The following ERN1 variants were observed in gnomAD, a reference collection of about 807,000 sequenced individuals.
The protein encoded by ERN1 is endoplasmic reticulum to nucleus signaling 1, also known as serine/threonine-protein kinase/endoribonuclease IRE1.
In ERN1, 39 loss-of-function variants were observed where a neutral mutation model predicts 113.1. The ratio of observed to expected loss-of-function variants is 0.34; its 90% CI spans 0.27 to 0.45. ERN1 has a LOEUF of 0.45. ERN1 is among the 20% of genes least tolerant of loss of function. ERN1 has a pLI of 1.00. For synonymous variants in ERN1, 507 were observed against 515.9 expected (o/e 0.98, Z 0.23); for missense variants, 976 against 1,274.8 (o/e 0.77, Z 3.57).
At chr17:64,080,623 T>G (rs577955641) in intron 3 of ERN1, 152 bp downstream of exon 3, 1 of 656,434 alleles carries the variant, frequency 1.5e-6, no homozygotes, top group South Asian at 2.1e-5. Context: ...CAACACAAGC[T>G]TTCATCATAG....
In ERN1 at chr17:64,044,692, G is replaced by A. The variant is rs1161969354; in HGVS notation, c.2721+168C>T. The stretch of plus-strand genomic sequence containing the variant: ...CTACGTCCCTGAAGGGAAAATCAGC[G>A]TAAGAGAGGCAACAGCCTGCAGTTT... On this transcript the variant is annotated intron_variant, in intron 21 of 21. Transcript: ENST00000433197. The surrounding 1 kb of genome is among the most constrained non-coding windows in gnomAD (Gnocchi z 4.1). 6.6e-6 allele frequency among the ~76,000 whole-genome samples: 1 copy of A among 152,198 alleles called. No individual in the cohort carries two copies. The highest frequency in any genetic ancestry group is 1.5e-5 in the Non-Finnish European group (1 of 68,028).
chr17:64,062,160 C>G (rs887954562), intron 10 of ERN1, among the ~76,000 whole-genome samples: 1 of 152,266 alleles, frequency 6.6e-6, no homozygotes, highest in African/African-American at 2.4e-5. Flanking sequence ...TGGCTAGGCC[C>G]TGCCCCAGAC....
intron 6 of ERN1, among the ~76,000 whole-genome samples, chr17:64,069,192 G>A (rs946129466): frequency 1.3e-5 from 2 of 152,130 alleles, no homozygotes; most frequent in Non-Finnish European, 2.9e-5. Flanking sequence ...TAGACCCTCT[G>A]CCCCCATCAA....
intron 1 of ERN1, among the ~76,000 whole-genome samples, chr17:64,108,907 G>C (rs187210935): frequency 6.6e-6 from 1 of 152,174 alleles, no homozygotes; most frequent in Non-Finnish European, 1.5e-5. Flanking sequence ...TGGATCACCT[G>C]AGGTCAGGAG....
chr17:64,059,971 G>C (rs1241972049), intron 11 of ERN1, among the ~76,000 whole-genome samples: 2 of 151,400 alleles, frequency 1.3e-5, no homozygotes, highest in Non-Finnish European at 2.9e-5. Flanking sequence ...GATTACAGGT[G>C]TGAGACACCC....
intron 1 of ERN1, among the ~76,000 whole-genome samples, chr17:64,100,304 T>TTAG (rs1168017046): frequency 6.6e-6 from 1 of 151,948 alleles, no homozygotes; most frequent in Non-Finnish European, 1.5e-5. Context: ...ATGTTAGGTG[T>TTAG]GACAGTTTGG....
Position 64,063,301 on chromosome 17 carries a change from G to A in ERN1, c.1087+685C>T, listed in dbSNP as rs1250432699. Among the ~76,000 whole-genome samples, 2 of 152,204 alleles carry A rather than the reference G, an allele frequency of 1.3e-5. No individual in the cohort carries two copies. The highest frequency in any genetic ancestry group is 4.8e-5 in the African/African-American group (2 of 41,444). ...TCTAATGACTTGGCACACTTGCCAG[G>A]AACACAGCTCTTCTCACTTCCGCCT... is the stretch of plus-strand genomic sequence containing the variant. On this transcript the variant is annotated intron_variant, in intron 10 of 21. Transcript: ENST00000433197. The surrounding 1 kb of genome is among the most constrained non-coding windows in gnomAD (Gnocchi z 5.1).
intron 1 of ERN1, among the ~76,000 whole-genome samples, chr17:64,124,259 C>A (rs1483776361): frequency 2.0e-5 from 3 of 152,126 alleles, no homozygotes; most frequent in Non-Finnish European, 4.4e-5. Flanking sequence ...TAGATATATG[C>A]CCAAGAAGAG....
At chr17:64,100,406 C>T (rs1914353727) in intron 1 of ERN1, among the ~76,000 whole-genome samples, 1 of 152,298 alleles carries the variant, frequency 6.6e-6, no homozygotes, top group South Asian at 2.1e-4. Context: ...AAAGTTACCA[C>T]AGGAATAACC....
chr17:64,050,685 G>C (rs915411546), intron 17 of ERN1, among the ~76,000 whole-genome samples: 4 of 152,156 alleles, frequency 2.6e-5, no homozygotes, highest in African/African-American at 9.7e-5. Context: ...AATGCAAGGG[G>C]GAAAATGAGG....
In ERN1 at chr17:64,055,835, C is replaced by T. The variant is rs370511163; in HGVS notation, c.1512G>A (p.Thr504=). 7.1e-6 allele frequency: 11 copies of T among 1,557,154 alleles called. No homozygotes were observed. Among genetic ancestry groups the T allele is most frequent in the South Asian group, 5.9e-5 (5 of 84,818 alleles). The change falls in exon 13 of 22, where the codon ACG becomes ACA. Residue 504 remains threonine, a synonymous_variant. Coordinates refer to ENST00000433197, the MANE Select transcript of ERN1 (RefSeq NM_001433.5). ...TGTCCAGGAGCTCGCCGTCCTGAGCCGTGTCTCCAGGTGGGTGGAAGGGCA... is the reference window on the plus strand; with the variant it reads ...TGTCCAGGAGCTCGCCGTCCTGAGCTGTGTCTCCAGGTGGGTGGAAGGGCA... ...QQLPFHPPGD[T]AQDGELLDTS...
intron 8 of ERN1, among the ~76,000 whole-genome samples, chr17:64,066,099 G>T (rs1026438268): frequency 5.3e-5 from 8 of 152,216 alleles, no homozygotes; most frequent in East Asian, 1.9e-4. Context: ...CTCGGTGATA[G>T]GCTATGAAGA....
chr17:64,071,613 G>C (rs545147844), intron 6 of ERN1, among the ~76,000 whole-genome samples: 1 of 152,038 alleles, frequency 6.6e-6, no homozygotes, highest in East Asian at 1.9e-4. Context: ...GTACAGATGG[G>C]GTTTCGCCAT....
intron 11 of ERN1, among the ~76,000 whole-genome samples, chr17:64,059,634 T>TGA (rs906713741): frequency 6.6e-6 from 1 of 152,060 alleles, no homozygotes; most frequent in East Asian, 1.9e-4. Context: ...CACCAGCAGA[T>TGA]GAGAGAGAGA....
Position 64,129,992 on chromosome 17 carries a change from A to G in ERN1, c.38T>C (p.Leu13Pro). 6.9e-7 allele frequency: 1 copy of G among 1,447,708 alleles called. No homozygotes were observed. The highest frequency in any genetic ancestry group is 9.0e-7 in the Non-Finnish European group (1 of 1,105,770). The allele number at this position is 1,447,708 out of a possible 1,614,324, so 89.7% of individuals were successfully genotyped here. A position where few individuals can be genotyped will look rare whatever the true frequency, so the allele number is the denominator to read the frequency against. ...GTCACTCACCCCGAGGCCGGGCAGC[A>G]GCAGCGTCAGCAGCAGCAGCAGCCG... Reference protein sequence around the residue: ...ARRLLLLLTLLLPGLGIFGST... With the variant: ...ARRLLLLLTLPLPGLGIFGST... Residue 13 changes from leucine (L) to proline (P), a missense_variant, in exon 1 of 22, where the codon CTG becomes CCG. By Grantham distance (98) the Leu-to-Pro change is moderately conservative (BLOSUM62 -3). Coordinates refer to ENST00000433197, the MANE Select transcript of ERN1 (RefSeq NM_001433.5).
intron 1 of ERN1, chr17:64,129,247 T>A (rs61044233): frequency 0.043 from 6,569 of 152,270 alleles, 151 homozygotes; most frequent in Middle Eastern, 0.065. Flanking sequence ...TGGCCCCAGG[T>A]GCTCTCCCAC....
intron 1 of ERN1, 149 bp from the exon 2 acceptor site, chr17:64,098,390 C>T: frequency 9.9e-7 from 1 of 1,011,794 alleles, no homozygotes; most frequent in South Asian, 1.3e-5. Flanking sequence ...TAAATTCCCA[C>T]TCAGTCAGGA....
In ERN1 at chr17:64,055,778, G is replaced by A. The variant is rs373768729; in HGVS notation, c.1569C>T (p.Thr523=). The A allele has an allele frequency of 9.2e-5, 147 of 1,603,556 alleles. No individual in the cohort carries two copies. The highest frequency in any genetic ancestry group is 1.1e-4 in the Non-Finnish European group (131 of 1,175,756). ...TSGPYSESSG[T]SSPSTSPRAS... ...CCCTGGGGGACGTGCTGGGGCTGCT[G>A]GTGCCCGAGCTCTCTGAGTACGGGC... is the stretch of plus-strand genomic sequence containing the variant. Residue 523 remains threonine (T), a synonymous_variant, in exon 13 of 22, where the codon ACC becomes ACT. Coordinates refer to ENST00000433197, the MANE Select transcript of ERN1 (RefSeq NM_001433.5).
At chr17:64,112,437 AC>A (rs1914698382) in intron 1 of ERN1, among the ~76,000 whole-genome samples, 1 of 152,108 alleles carries the variant, frequency 6.6e-6, no homozygotes, top group Non-Finnish European at 1.5e-5. Flanking sequence ...AGTAAACATT[AC>A]TATATTTTAA....
Sources: gnomAD v4.1 joint callset for allele counts (sites outside exome capture counted in the v4.1 genomes callset) on GRCh38, gnomAD v4.1.1 for gene constraint, Gnocchi (gnomAD v3.1) non-coding constraint, MANE v1.5 for transcripts, NCBI Gene and HGNC (gene_info 2026-07-23, HGNC 2026-07-21) for gene names.